The following FAM171A1 variants were observed in gnomAD, a reference collection of about 807,000 sequenced individuals.
The protein encoded by FAM171A1 is protein FAM171A1.
Under a neutral mutation model 74.9 loss-of-function variants are expected in FAM171A1, and 23 were observed. That is an observed-to-expected ratio of 0.31 (90% CI 0.22 to 0.44). The LOEUF is 0.44. Ranked by LOEUF, FAM171A1 falls within the 20% of genes least tolerant of loss-of-function variation. FAM171A1 has a pLI of 1.00. For synonymous variants in FAM171A1, 527 were observed against 505.7 expected (o/e 1.04, Z -0.57); for missense variants, 1,162 against 1,159.2 (o/e 1.00, Z -0.03).
chr10:15,216,578 G>A (rs1342803777), intron 6 of FAM171A1, among the ~76,000 whole-genome samples: 3 of 151,972 alleles, frequency 2.0e-5, no homozygotes, highest in Admixed American at 6.6e-5. Flanking sequence ...CTACAGGCAC[G>A]CACCACCACA....
At chr10:15,364,615 A>C (rs926353377) in intron 1 of FAM171A1, among the ~76,000 whole-genome samples, 3 of 152,140 alleles carry the variant, frequency 2.0e-5, no homozygotes, top group African/African-American at 7.2e-5. Flanking sequence ...GGTTGGAAAC[A>C]ACACACACTT....
At chr10:15,226,620 A>G (rs1467792627) in intron 5 of FAM171A1, among the ~76,000 whole-genome samples, 1 of 152,096 alleles carries the variant, frequency 6.6e-6, no homozygotes, top group Non-Finnish European at 1.5e-5. Context: ...AAATTCTAAA[A>G]AGCATCATTT....
intron 1 of FAM171A1, among the ~76,000 whole-genome samples, chr10:15,324,479 T>A (rs1835525954): frequency 6.6e-6 from 1 of 152,222 alleles, no homozygotes; most frequent in Non-Finnish European, 1.5e-5. Flanking sequence ...ATTTTTATCA[T>A]CTTCTCCAGG....
At chr10:15,331,035 G>A (rs948521527) in intron 1 of FAM171A1, among the ~76,000 whole-genome samples, 4 of 151,930 alleles carry the variant, frequency 2.6e-5, no homozygotes, top group Admixed American at 6.6e-5. Context: ...GATTACAGGC[G>A]CACGCCACCA....
At chr10:15,312,687 T>TTG (rs1835377157) in intron 1 of FAM171A1, among the ~76,000 whole-genome samples, 1 of 66,756 alleles carries the variant, frequency 1.5e-5, no homozygotes, top group African/African-American at 6.3e-5. Flanking sequence ...TTTTTTTTTT[T>TTG]TTTTTTTTTT....
intron 1 of FAM171A1, among the ~76,000 whole-genome samples, chr10:15,287,963 T>C (rs1835058135): frequency 1.3e-5 from 2 of 152,198 alleles, no homozygotes; most frequent in Admixed American, 6.5e-5. Context: ...TCATTCTTTA[T>C]GTCTTTGCAT....
At chr10:15,233,957 T>C (rs1387888877) in intron 5 of FAM171A1, among the ~76,000 whole-genome samples, 7 of 151,358 alleles carry the variant, frequency 4.6e-5, no homozygotes, top group African/African-American at 7.3e-5. Flanking sequence ...TGGAGTGTAC[T>C]AGGTGCTTTA....
Position 15,213,717 on chromosome 10 carries a change from C to G in FAM171A1, c.1871G>C (p.Gly624Ala), listed in dbSNP as rs1415444150. ...LQAELSNPHA[G>A]IFPHPSSQIQ... is the part of the protein sequence containing the mutation. ...CTGTGAGGACGGGTGTGGGAAGATC[C>G]CGGCATGGGGATTGGACAGCTCAGC... Residue 624 changes from glycine to alanine, a missense_variant, in exon 8 of 8, where the codon GGG (glycine) becomes GCG (alanine). Transcript: ENST00000378116. This position sits in a 1 kb window ranked among gnomAD's most constrained non-coding sequence, Gnocchi z 6.8. 12 of 1,612,064 alleles carry G rather than the reference C, an allele frequency of 7.4e-6. No individual in the cohort carries two copies. The highest frequency in any genetic ancestry group is 1.0e-5 in the Non-Finnish European group (12 of 1,178,702).
At chr10:15,329,485 G>C (rs1368230498) in intron 1 of FAM171A1, among the ~76,000 whole-genome samples, 1 of 152,068 alleles carries the variant, frequency 6.6e-6, no homozygotes, top group Non-Finnish European at 1.5e-5. Flanking sequence ...AATTAGCCAG[G>C]CACACCTGTG....
At chr10:15,320,150 C>T (rs189568882) in intron 1 of FAM171A1, among the ~76,000 whole-genome samples, 32 of 152,250 alleles carry the variant, frequency 2.1e-4, no homozygotes, top group African/African-American at 7.2e-4. Context: ...AAGTAGGCCC[C>T]GGTGTCTCTT....
chr10:15,348,392 C>G (rs1021442885), intron 1 of FAM171A1, among the ~76,000 whole-genome samples: 3 of 152,218 alleles, frequency 2.0e-5, no homozygotes, highest in Admixed American at 6.5e-5. Flanking sequence ...CCCGCCTCAG[C>G]CTCCCAAAGT....
At chr10:15,325,110 G>C (rs1227534577) in intron 1 of FAM171A1, among the ~76,000 whole-genome samples, 1 of 152,230 alleles carries the variant, frequency 6.6e-6, no homozygotes, top group African/African-American at 2.4e-5. Flanking sequence ...ACAGCCAGGG[G>C]AGTTCTATGT....
At chr10:15,332,818 ATCTG>A (rs1397922910) in intron 1 of FAM171A1, among the ~76,000 whole-genome samples, 1 of 152,134 alleles carries the variant, frequency 6.6e-6, no homozygotes, top group African/African-American at 2.4e-5. Flanking sequence ...ATTTCAGTGA[ATCTG>A]TCTGAGAATG....
intron 1 of FAM171A1, among the ~76,000 whole-genome samples, chr10:15,312,343 A>AG (rs1835369021): frequency 6.6e-6 from 1 of 152,240 alleles, no homozygotes; most frequent in African/African-American, 2.4e-5. Context: ...CTCGCTGCTG[A>AG]ACTCCAAAAG....
chr10:15,318,886 C>T (rs998518337), intron 1 of FAM171A1, among the ~76,000 whole-genome samples: 5 of 152,136 alleles, frequency 3.3e-5, no homozygotes, highest in African/African-American at 1.2e-4. Context: ...GGTGTGACAT[C>T]CTGATCCTTA....
chr10:15,225,459 C>G (rs958200704), intron 5 of FAM171A1, among the ~76,000 whole-genome samples: 2 of 152,210 alleles, frequency 1.3e-5, no homozygotes, highest in African/African-American at 4.8e-5. Context: ...CTGGCAAAAG[C>G]ATTTCATGCT....
rs754609771 is a variant in FAM171A1 at position 15,213,314 on chromosome 10, A to G, written c.2274T>C (p.Asp758=). ...EPKSARKGRG[D]ALSLQQNYPP... is the part of the protein sequence containing the mutation. The stretch of plus-strand genomic sequence containing the variant: ...GGTAGTTCTGCTGCAGAGACAAAGC[A>G]TCTCCCCTTCCCTTCCGGGCTGATT... The change falls in exon 8 of 8, where the codon GAT becomes GAC. Residue 758 remains aspartate (D), a synonymous_variant. Coordinates refer to ENST00000378116, the MANE Select transcript of FAM171A1 (RefSeq NM_001010924.2). This position sits in a 1 kb window ranked among gnomAD's most constrained non-coding sequence, Gnocchi z 6.8. 2 of 1,614,032 alleles carry G rather than the reference A, an allele frequency of 1.2e-6. No individual in the cohort carries two copies. The highest frequency in any genetic ancestry group is 1.1e-5 in the South Asian group (1 of 91,086).
intron 5 of FAM171A1, among the ~76,000 whole-genome samples, chr10:15,239,661 G>A (rs11816253): frequency 0.2 from 29,954 of 152,038 alleles, 3,029 homozygotes; most frequent in Middle Eastern, 0.35. Flanking sequence ...ACACAGAGAG[G>A]GCACAATTGG....
chr10:15,274,517 C>T (rs145986716), intron 3 of FAM171A1, among the ~76,000 whole-genome samples: 1,946 of 152,246 alleles, frequency 0.013, 48 homozygotes, highest in African/African-American at 0.044. Context: ...ACTTTCTTCA[C>T]AGAATTGGAA....
Sources: gnomAD v4.1 joint callset for allele counts (sites outside exome capture counted in the v4.1 genomes callset) on GRCh38, gnomAD v4.1.1 for gene constraint, Gnocchi (gnomAD v3.1) non-coding constraint, MANE v1.5 for transcripts, NCBI Gene and HGNC (gene_info 2026-07-23, HGNC 2026-07-21) for gene names.